Variants in LRRC31 observed in about 807,000 individuals in gnomAD.
LRRC31 encodes the protein leucine rich repeat containing 31.
A neutral mutation model predicts 46.7 loss-of-function variants in LRRC31; 35 were observed. The observed-to-expected ratio is 0.75, with a 90% CI of 0.57 to 0.99. The LOEUF is 0.99. Among genes scored for constraint, LRRC31 ranks in the 50% least tolerant of loss-of-function variants. The pLI is 0.00. For missense variants in LRRC31, 613 were observed against 626.1 expected, an observed-to-expected ratio of 0.98 and a Z score of 0.22; for synonymous variants, 236 against 235.1, an observed-to-expected ratio of 1.00 and a Z score of -0.03.
chr3:169,867,722 C>G (rs989796721), intron 1 of LRRC31, among the ~76,000 whole-genome samples: 2 of 152,182 alleles, frequency 1.3e-5, no homozygotes, highest in African/African-American at 4.8e-5. Flanking sequence ...TCTATTTTTG[C>G]ATATGCTTAA....
chr3:169,862,777 A>C (rs1455624113), intron 1 of LRRC31, among the ~76,000 whole-genome samples: 1 of 152,104 alleles, frequency 6.6e-6, no homozygotes, highest in Admixed American at 6.6e-5. Flanking sequence ...TAAATAAATA[A>C]ATAAAAAAGA....
chr3:169,861,938 C>T, intron 1 of LRRC31, 125 bp from the exon 2 acceptor site: 4 of 1,028,204 alleles, frequency 3.9e-6, no homozygotes, highest in Non-Finnish European at 5.6e-6. Context: ...AAAACCTCAA[C>T]TCAGAGGCAG....
chr3:169,851,834 G>A, intron 6 of LRRC31, 48 bp from the exon 7 acceptor site: 1 of 1,581,926 alleles, frequency 6.3e-7, no homozygotes, highest in Non-Finnish European at 8.7e-7. Context: ...ATCTCACAGG[G>A]AGTCTTCTGG....
At position 169,840,219 on chromosome 3, in the gene LRRC31, G is replaced by A. The variant is rs1039824459; in HGVS notation, c.1422C>T (p.Cys474=). Reference sequence around the variant, plus strand: ...GCTCTTTGAGGAACCGCACGTTTTGGCAGAACATGGTCCACCCCGCATCAC... The same window carrying A: ...GCTCTTTGAGGAACCGCACGTTTTGACAGAACATGGTCCACCCCGCATCAC... The part of the protein sequence containing the change: ...SICDAGWTMF[C]QNVRFLKELI... The change falls in exon 9 of 9, where the codon TGC becomes TGT. Residue 474 remains cysteine, a synonymous_variant. Transcript: ENST00000316428. 2 of 1,613,978 alleles carry A rather than the reference G, an allele frequency of 1.2e-6. No individual in the cohort carries two copies. The highest frequency in any genetic ancestry group is 2.7e-5 in the African/African-American group (2 of 74,880).
chr3:169,868,612 T>C (rs1482359108), intron 1 of LRRC31, among the ~76,000 whole-genome samples: 1 of 152,206 alleles, frequency 6.6e-6, no homozygotes, highest in Non-Finnish European at 1.5e-5. Flanking sequence ...AATGCATGCA[T>C]ATGAAAAGAA....
At chr3:169,848,017 A>C in intron 8 of LRRC31, 103 bp downstream of exon 8, 1 of 1,106,308 alleles carries the variant, frequency 9.0e-7, no homozygotes, top group Non-Finnish European at 1.3e-6. Flanking sequence ...AGAGGGCTTC[A>C]CCCCAGGTCT....
Position 169,840,170 on chromosome 3 carries a change from G to GATATCAAATTATCAAATTATCA in LRRC31, c.1470_1471insTGATAATTTGATAATTTGATAT (p.Arg491Ter). 1 of 1,614,084 alleles carries GATATCAAATTATCAAATTATCA rather than the reference G, an allele frequency of 6.2e-7. No individual in the cohort carries two copies. The highest frequency in any genetic ancestry group is 8.5e-7 in the Non-Finnish European group (1 of 1,180,028). ...CCACAATCTCGAAAATTTGATGGTC[G>GATATCAAATTATCAAATTATCA]AAGGCTAATATCCAGCTCGATTAGC... On this transcript the variant is annotated stop_gained and frameshift_variant, in exon 9 of 9. Coordinates refer to ENST00000316428, the MANE Select transcript of LRRC31 (RefSeq NM_024727.4). LOFTEE classifies it low-confidence loss of function (END_TRUNC).
chr3:169,852,419 A>C (rs1375172433), intron 6 of LRRC31, among the ~76,000 whole-genome samples: 1 of 151,284 alleles, frequency 6.6e-6, no homozygotes, highest in African/African-American at 2.4e-5. Flanking sequence ...AAAAAAAAAA[A>C]AAAAAAAAAA....
At chr3:169,849,484 AT>A (rs1002159348) in intron 7 of LRRC31, among the ~76,000 whole-genome samples, 3 of 152,210 alleles carry the variant, frequency 2.0e-5, no homozygotes, top group African/African-American at 7.2e-5. Flanking sequence ...AATGGGCAAC[AT>A]GGTAAAACTC....
At position 169,848,024 on chromosome 3, in the gene LRRC31, G is replaced by T. The variant is rs1780655640; in HGVS notation, c.1327+96C>A. ...ATCTGCACAGAGGGCTTCACCCCAG[G>T]TCTGGTACCTCCCCCACCTCCCCAC... On this transcript the variant is annotated intron_variant, in intron 8 of 8. Coordinates refer to ENST00000316428, the MANE Select transcript of LRRC31 (RefSeq NM_024727.4). 8.0e-6 allele frequency: 10 copies of T among 1,255,618 alleles called. No homozygotes were observed. In the South Asian group the frequency reaches 8.3e-5, roughly 10 times the overall value. 77.8% of individuals were successfully genotyped at this position (1,255,618 alleles called of 1,614,324 possible). A position where few individuals can be genotyped will look rare whatever the true frequency, so the allele number is the denominator to read the frequency against.
intron 8 of LRRC31, among the ~76,000 whole-genome samples, chr3:169,841,740 T>C (rs1056566736): frequency 6.6e-6 from 1 of 152,190 alleles, no homozygotes; most frequent in African/African-American, 2.4e-5. Context: ...TCTTCTACTT[T>C]TTTGTTTTTT....
intron 5 of LRRC31, 92 bp downstream of exon 5, chr3:169,856,244 T>C (rs1291493526): frequency 1.8e-6 from 1 of 548,266 alleles, no homozygotes; most frequent in African/African-American, 2.0e-5. Context: ...TATATTTTGC[T>C]ATATTTCCTA....
At chr3:169,847,231 G>A (rs1780632732) in intron 8 of LRRC31, among the ~76,000 whole-genome samples, 1 of 152,184 alleles carries the variant, frequency 6.6e-6, no homozygotes. Context: ...TGCTGCCCAG[G>A]CTGGAGTGCA....
At chr3:169,859,136 A>T (rs1290203152) in intron 3 of LRRC31, among the ~76,000 whole-genome samples, 1 of 149,890 alleles carries the variant, frequency 6.7e-6, no homozygotes, top group African/African-American at 2.5e-5. Context: ...ATACAAAAAA[A>T]TACAAAAAAT....
chr3:169,855,921 G>A (rs1780924162), intron 5 of LRRC31, among the ~76,000 whole-genome samples: 1 of 151,780 alleles, frequency 6.6e-6, no homozygotes, highest in Admixed American at 6.6e-5. Context: ...ATATATTTTT[G>A]AGATGGAGTC....
At chr3:169,855,063 G>T in intron 5 of LRRC31, 83 bp from the exon 6 acceptor site, 1 of 1,214,568 alleles carries the variant, frequency 8.2e-7, no homozygotes, top group Non-Finnish European at 1.2e-6. Flanking sequence ...GACCAAGGCA[G>T]GAGGATTGCT....
At chr3:169,869,022 C>T (rs1274468102) in intron 1 of LRRC31, among the ~76,000 whole-genome samples, 6 of 151,630 alleles carry the variant, frequency 4.0e-5, no homozygotes, top group Non-Finnish European at 8.8e-5. Context: ...ACAAACAACC[C>T]GTTGTGCTCT....
rs1235682421 is a variant in LRRC31, at chr3:169,854,854, A to G, written c.950T>C (p.Leu317Pro). 6.2e-7 allele frequency: 1 copy of G among 1,613,718 alleles called. No individual in the cohort carries two copies. The highest frequency in any genetic ancestry group is 8.5e-7 in the Non-Finnish European group (1 of 1,179,806). The change falls in exon 6 of 9, where the codon CTT (leucine) becomes CCT (proline). Residue 317 changes from leucine to proline, a missense_variant. Coordinates refer to ENST00000316428, the MANE Select transcript of LRRC31 (RefSeq NM_024727.4). ...ATCTGCTGTTAGTGAGCACTGGTGA[A>G]GATCTAGGACTTGTAGATGCTTTAG... is the stretch of plus-strand genomic sequence containing the variant. ...VMLKHLQVLD[L>P]HQCSLTADDV...
chr3:169,857,012 G>T, intron 3 of LRRC31, 140 bp from the exon 4 acceptor site: 1 of 688,192 alleles, frequency 1.5e-6, no homozygotes, highest in Non-Finnish European at 2.2e-6. Flanking sequence ...GGAACAGAGA[G>T]AAGGAAAGAA....
Sources: gnomAD v4.1 joint callset for allele counts (sites outside exome capture counted in the v4.1 genomes callset) on GRCh38, gnomAD v4.1.1 for gene constraint, MANE v1.5 for transcripts, NCBI Gene and HGNC (gene_info 2026-07-23, HGNC 2026-07-21) for gene names.